PTPN13: variants seen among roughly 807,000 people sequenced by gnomAD.
The protein encoded by PTPN13 is protein tyrosine phosphatase non-receptor type 13, also known as tyrosine-protein phosphatase non-receptor type 13.
In PTPN13, 191 loss-of-function variants were observed where a neutral mutation model predicts 284.0. The ratio of observed to expected loss-of-function variants is 0.67; its 90% CI spans 0.60 to 0.76. The LOEUF (loss-of-function observed/expected upper bound fraction) is 0.76. PTPN13 is among the 30% of genes least tolerant of loss of function. PTPN13 has a pLI of 0.00. For synonymous variants in PTPN13, 986 were observed against 1,022.3 expected, an observed-to-expected ratio of 0.96 and a Z score of 0.68; for missense variants, 2,797 against 2,939.9, an observed-to-expected ratio of 0.95 and a Z score of 1.12.
intron 1 of PTPN13, among the ~76,000 whole-genome samples, chr4:86,620,006 T>C (rs1228544712): frequency 6.6e-6 from 1 of 152,184 alleles, no homozygotes; most frequent in Non-Finnish European, 1.5e-5. Flanking sequence ...ATGGAACATT[T>C]TACTGGTTTT....
chr4:86,672,331 T>G (rs1486453551), intron 2 of PTPN13, 34 bp from the exon 3 acceptor site: 6 of 1,480,812 alleles, frequency 4.1e-6, no homozygotes, highest in Non-Finnish European at 4.5e-6. Flanking sequence ...TCTTCTTTTT[T>G]TTTATTTTTT....
chr4:86,636,583 A>G (rs968785136), intron 2 of PTPN13, among the ~76,000 whole-genome samples: 2 of 152,164 alleles, frequency 1.3e-5, no homozygotes, highest in African/African-American at 4.8e-5. Flanking sequence ...TCTTTTGAAA[A>G]CTTGTTAGAA....
chr4:86,651,702 C>G (rs1173188179), intron 2 of PTPN13, among the ~76,000 whole-genome samples: 1 of 152,086 alleles, frequency 6.6e-6, no homozygotes, highest in Admixed American at 6.6e-5. Flanking sequence ...TCATGCTTCA[C>G]TCTTGGTTGG....
chr4:86,607,691 A>G (rs1000755393), intron 1 of PTPN13, among the ~76,000 whole-genome samples: 6 of 151,994 alleles, frequency 3.9e-5, no homozygotes, highest in Non-Finnish European at 8.8e-5. Context: ...AATCGCCTCA[A>G]TTTCCCTAGA....
chr4:86,620,434 A>C (rs1176996343), intron 1 of PTPN13, among the ~76,000 whole-genome samples: 1 of 152,216 alleles, frequency 6.6e-6, no homozygotes, highest in African/African-American at 2.4e-5. Flanking sequence ...TGCTGGGATT[A>C]TAGGTATGAG....
chr4:86,764,799 T>A, intron 25 of PTPN13, 75 bp downstream of exon 25: 1 of 1,474,542 alleles, frequency 6.8e-7, no homozygotes, highest in East Asian at 2.6e-5. Context: ...AACTTTTTAA[T>A]TGAATTATTT....
chr4:86,758,478 C>A, intron 21 of PTPN13, 129 bp downstream of exon 21: 1 of 919,622 alleles, frequency 1.1e-6, no homozygotes, highest in East Asian at 2.6e-5. Context: ...TGCCCACCTA[C>A]AAGCCCATCA....
chr4:86,626,777 G>C (rs576630900), intron 1 of PTPN13, among the ~76,000 whole-genome samples: 1 of 152,154 alleles, frequency 6.6e-6, no homozygotes, highest in East Asian at 1.9e-4. Context: ...TAAGTTTTAG[G>C]GGAATAAAAA....
chr4:86,675,227 A>G (rs986486877), intron 3 of PTPN13, among the ~76,000 whole-genome samples: 1 of 152,174 alleles, frequency 6.6e-6, no homozygotes, highest in Non-Finnish European at 1.5e-5. Context: ...TGTTGCCATT[A>G]TCATGTTAAA....
chr4:86,796,747 T>C (rs1451678980), intron 40 of PTPN13, 127 bp from the exon 41 acceptor site: 1 of 635,484 alleles, frequency 1.6e-6, no homozygotes, highest in African/African-American at 1.9e-5. Context: ...TTGAATGTCA[T>C]ATGTGTCTTT....
At chr4:86,785,425 G>A in intron 39 of PTPN13, 57 bp downstream of exon 39, 1 of 1,485,252 alleles carries the variant, frequency 6.7e-7, no homozygotes, top group Non-Finnish European at 9.0e-7. Context: ...CGTCTCTAGG[G>A]AGCATTTTTT....
intron 9 of PTPN13, among the ~76,000 whole-genome samples, chr4:86,720,351 G>T (rs1481541221): frequency 2.0e-5 from 3 of 152,052 alleles, no homozygotes; most frequent in Non-Finnish European, 4.4e-5. Flanking sequence ...GAAACATTAA[G>T]GCCGCCATAT....
In PTPN13 at chr4:86,701,714, A is replaced by C; in HGVS notation, c.1108A>C (p.Thr370Pro). ...DPIYHTRELPTSSAISSALDR... is the reference protein window; with the variant it reads ...DPIYHTRELPPSSAISSALDR... ...AATATATCACACTCGAGAATTGCCC[A>C]CCTCCTCAGCAATATCAAGTGCTTT... The change falls in exon 7 of 48, where the codon ACC (threonine) becomes CCC (proline). Residue 370 changes from threonine to proline, a missense_variant. Physicochemically the swap from Thr to Pro is conservative, Grantham distance 38 (BLOSUM62 -1). Coordinates refer to ENST00000411767, the MANE Select transcript of PTPN13 (RefSeq NM_080683.3). 6.2e-7 allele frequency: 1 copy of C among 1,613,978 alleles called. No individual in the cohort carries two copies. Among genetic ancestry groups the C allele is most frequent in the Admixed American group, 1.7e-5 (1 of 60,022 alleles).
chr4:86,631,429 TTTG>T (rs1291311024), intron 1 of PTPN13, among the ~76,000 whole-genome samples: 10 of 152,170 alleles, frequency 6.6e-5, no homozygotes, highest in Admixed American at 2.6e-4. Context: ...AGCTGATAGC[TTTG>T]TTGTTTGTTT....
At chr4:86,679,930 T>A (rs117218435) in intron 3 of PTPN13, among the ~76,000 whole-genome samples, 1 of 152,228 alleles carries the variant, frequency 6.6e-6, no homozygotes, top group Non-Finnish European at 1.5e-5. Context: ...TCAACAAATA[T>A]TTATCATATG....
intron 10 of PTPN13, among the ~76,000 whole-genome samples, chr4:86,724,971 C>T (rs1734080841): frequency 6.6e-6 from 1 of 150,448 alleles, no homozygotes; most frequent in South Asian, 2.1e-4. Flanking sequence ...TCCCCCAGCC[C>T]CCCACCCCCC....
In PTPN13 at chr4:86,762,868, C is replaced by G; in HGVS notation, c.3695C>G (p.Ser1232Cys). 6.2e-7 allele frequency: 1 copy of G among 1,613,886 alleles called. No homozygotes were observed. Among genetic ancestry groups the G allele is most frequent in the Non-Finnish European group, 8.5e-7 (1 of 1,179,832 alleles). Residue 1232 changes from serine to cysteine, a missense_variant, in exon 24 of 48, where the codon TCC (serine) becomes TGC (cysteine). Transcript: ENST00000411767. Reference sequence around the variant, plus strand: ...ACCCTGAGGCACATCTCGGAGAACTCCTTTGGGCCATCTGGGGGCCTGCGG... The same window carrying G: ...ACCCTGAGGCACATCTCGGAGAACTGCTTTGGGCCATCTGGGGGCCTGCGG... ...RGTLRHISEN[S>C]FGPSGGLREG...
chr4:86,689,103 C>T lies in PTPN13; in HGVS notation c.459C>T (p.Cys153=), dbSNP rs1189357831. 1 of 1,610,954 alleles carries T rather than the reference C, an allele frequency of 6.2e-7. No homozygotes were observed. Among genetic ancestry groups the T allele is most frequent in the East Asian group, 2.2e-5 (1 of 44,858 alleles). ...RVSVRTVLDA[C]SAHIRNSNCA... is the part of the protein sequence containing the mutation. ...CTGTTCGGACTGTGCTGGATGCTTG[C>T]AGTGCCCACATTAGGAATAGCAATT... The change falls in exon 5 of 48, where the codon TGC becomes TGT. Residue 153 remains cysteine, a synonymous_variant. Coordinates refer to ENST00000411767, the MANE Select transcript of PTPN13 (RefSeq NM_080683.3).
At chr4:86,669,507 A>G (rs957143584) in intron 2 of PTPN13, among the ~76,000 whole-genome samples, 1 of 152,108 alleles carries the variant, frequency 6.6e-6, no homozygotes, top group Non-Finnish European at 1.5e-5. Context: ...GGAGAGATAC[A>G]TATAGTTCTT....
Sources: gnomAD v4.1 joint callset for allele counts (sites outside exome capture counted in the v4.1 genomes callset) on GRCh38, gnomAD v4.1.1 for gene constraint, MANE v1.5 for transcripts, NCBI Gene and HGNC (gene_info 2026-07-23, HGNC 2026-07-21) for gene names.